The following MEGF10 variants were observed in gnomAD, a reference collection of about 807,000 sequenced individuals.
MEGF10 encodes the protein multiple EGF like domains 10, also known as multiple epidermal growth factor-like domains protein 10.
A neutral mutation model predicts 147.5 loss-of-function variants in MEGF10; 86 were observed. The observed-to-expected ratio is 0.58, with a 90% CI of 0.49 to 0.70. MEGF10 has a LOEUF of 0.70. MEGF10 is among the 30% of genes least tolerant of loss of function. The pLI is 0.00. For missense variants in MEGF10, 1,329 were observed against 1,487.3 expected (o/e 0.89, Z 1.75); for synonymous variants, 478 against 525.5 (o/e 0.91, Z 1.24).
intron 5 of MEGF10, among the ~76,000 whole-genome samples, chr5:127,371,113 G>T (rs1316236836): frequency 1.3e-5 from 2 of 151,892 alleles, no homozygotes; most frequent in African/African-American, 4.8e-5. Context: ...CTTCTCCAGG[G>T]GAAGCCCTTG....
chr5:127,356,278 A>G (rs749814065), intron 4 of MEGF10, among the ~76,000 whole-genome samples: 1 of 152,228 alleles, frequency 6.6e-6, no homozygotes, highest in African/African-American at 2.4e-5. Flanking sequence ...CACACAAGAG[A>G]TGCTAAAGGA....
intron 22 of MEGF10, among the ~76,000 whole-genome samples, chr5:127,449,613 C>T (rs41298318): frequency 0.014 from 2,176 of 152,242 alleles, 21 homozygotes; most frequent in Admixed American, 0.021. Flanking sequence ...AGGACCTCAT[C>T]GCCTGTTAAA....
rs1763924629 is a variant in MEGF10, at chr5:127,396,623, C to T, written c.504C>T (p.His168=). ...ALCNPITGAC[H]CAAGFRGWRC... ...GCAACCCCATCACCGGGGCTTGCCACTGTGCTGCGGGCTTCCGGGGCTGGC... is the reference window on the plus strand; with the variant it reads ...GCAACCCCATCACCGGGGCTTGCCATTGTGCTGCGGGCTTCCGGGGCTGGC... The change falls in exon 6 of 25, where the codon CAC becomes CAT. Residue 168 remains histidine, a synonymous_variant. Transcript: ENST00000503335. 6.2e-7 allele frequency: 1 copy of T among 1,613,778 alleles called. No individual in the cohort carries two copies. The highest frequency in any genetic ancestry group is 2.2e-5 in the East Asian group (1 of 44,882).
At chr5:127,318,353 G>A (rs1262770688) in intron 1 of MEGF10, among the ~76,000 whole-genome samples, 1 of 152,164 alleles carries the variant, frequency 6.6e-6, no homozygotes, top group Non-Finnish European at 1.5e-5. Context: ...AAGTCAAACT[G>A]AGGGATAAAA....
chr5:127,435,520 T>A (rs1765526328), intron 16 of MEGF10, 31 bp downstream of exon 16: 1 of 1,583,512 alleles, frequency 6.3e-7, no homozygotes, highest in African/African-American at 1.4e-5. Context: ...ATTAATAAAC[T>A]GTTCTTATTT....
At chr5:127,349,594 C>T (rs1442048564) in intron 4 of MEGF10, among the ~76,000 whole-genome samples, 4 of 151,902 alleles carry the variant, frequency 2.6e-5, no homozygotes, top group Middle Eastern at 3.2e-3. Flanking sequence ...AATCAGACTT[C>T]GTCCTTTCAT....
At chr5:127,276,738 G>C in the MEGF10 span, among the ~76,000 whole-genome samples, 1 of 152,124 alleles carries the variant, frequency 6.6e-6, no homozygotes. Context: ...CAAAGATTAA[G>C]AAGTTTTTAT....
intron 8 of MEGF10, among the ~76,000 whole-genome samples, chr5:127,403,526 G>C (rs188885944): frequency 6.6e-6 from 1 of 152,182 alleles, no homozygotes; most frequent in East Asian, 1.9e-4. Context: ...TCAAATAGTA[G>C]GTCTTAGTCA....
At chr5:127,406,853 A>G (rs57502023) in intron 8 of MEGF10, among the ~76,000 whole-genome samples, 9,860 of 152,206 alleles carry the variant, frequency 0.065, 1,091 homozygotes, top group African/African-American at 0.22. Flanking sequence ...GAAGGGGTTA[A>G]AAGAGTTTCG....
intron 1 of MEGF10, among the ~76,000 whole-genome samples, chr5:127,310,880 A>G (rs999944149): frequency 6.6e-6 from 1 of 152,116 alleles, no homozygotes; most frequent in Non-Finnish European, 1.5e-5. Context: ...CTGGACTGCC[A>G]TTTGTCTAAG....
intron 1 of MEGF10, among the ~76,000 whole-genome samples, chr5:127,291,554 A>G (rs913167699): frequency 6.6e-6 from 1 of 152,078 alleles, no homozygotes; most frequent in African/African-American, 2.4e-5. Flanking sequence ...GGCTGGCGGG[A>G]TGCTCCCCTT....
chr5:127,389,434 GAATATAAATTGTTCC>G (rs1763559655), intron 5 of MEGF10, among the ~76,000 whole-genome samples: 1 of 152,136 alleles, frequency 6.6e-6, no homozygotes, highest in Non-Finnish European at 1.5e-5. Context: ...ATATCCAGAG[GAATATAAATTGTTCC>G]AACATAAAGA....
intron 5 of MEGF10, 51 bp from the exon 6 acceptor site, chr5:127,396,481 T>C: frequency 6.8e-7 from 1 of 1,472,902 alleles, no homozygotes; most frequent in Non-Finnish European, 9.0e-7. Context: ...GGCGAAGAAA[T>C]CTGGTTCTCC....
intron 11 of MEGF10, 56 bp from the exon 12 acceptor site, chr5:127,419,988 A>G: frequency 1.9e-6 from 3 of 1,587,250 alleles, no homozygotes; most frequent in Non-Finnish European, 2.6e-6. Flanking sequence ...GAAAGGCTCA[A>G]CAAGGCTCTC....
intron 1 of MEGF10, among the ~76,000 whole-genome samples, chr5:127,299,607 G>T (rs1178924103): frequency 6.6e-6 from 1 of 152,164 alleles, no homozygotes; most frequent in Non-Finnish European, 1.5e-5. Context: ...CCACAGGATT[G>T]TTCTTTTAGC....
chr5:127,306,427 A>G (rs1209244817), intron 1 of MEGF10, among the ~76,000 whole-genome samples: 1 of 152,190 alleles, frequency 6.6e-6, no homozygotes, highest in Non-Finnish European at 1.5e-5. Context: ...AAAAAAAACA[A>G]GCAACTTCCC....
intron 1 of MEGF10, among the ~76,000 whole-genome samples, chr5:127,317,839 A>G (rs931775412): frequency 1.3e-5 from 2 of 152,184 alleles, no homozygotes; most frequent in African/African-American, 4.8e-5. Flanking sequence ...AACATGGTAC[A>G]TGTATACATA....
In MEGF10 at chr5:127,392,785, C is replaced by T. The variant is rs533290196; in HGVS notation, c.413-3747C>T. 3.9e-5 allele frequency among the ~76,000 whole-genome samples: 6 copies of T among 152,288 alleles called. No individual in the cohort carries two copies. The East Asian group carries it at 1.2e-3, about 29-fold the overall frequency. On this transcript the variant is annotated intron_variant, in intron 5 of 24. Coordinates refer to ENST00000503335, the MANE Select transcript of MEGF10 (RefSeq NM_001256545.2). ...CCAGTTCTCTACTAGTTTTCACTTA[C>T]GGACTGGAGCTTGGATTATATGTAA...
intron 2 of MEGF10, among the ~76,000 whole-genome samples, chr5:127,335,394 A>G (rs1315212688): frequency 1.3e-5 from 2 of 152,132 alleles, no homozygotes; most frequent in Non-Finnish European, 2.9e-5. Flanking sequence ...GTGAATGTGG[A>G]GGTATGGAGT....
Sources: allele counts gnomAD v4.1 joint callset (sites outside exome capture counted in the v4.1 genomes callset), GRCh38; gene constraint gnomAD v4.1.1; transcripts MANE v1.5; gene names NCBI Gene and HGNC (gene_info 2026-07-23, HGNC 2026-07-21).